Variants in TRDN observed in about 807,000 individuals in gnomAD.
TRDN encodes triadin, also known as triadin in skeletal muscle.
TRDN carries 161 observed loss-of-function variants against 149.7 expected under a neutral mutation model. The ratio of observed to expected loss-of-function variants is 1.08; its 90% CI spans 0.95 to 1.23. The LOEUF (loss-of-function observed/expected upper bound fraction) is 1.23. Among genes scored for constraint, TRDN ranks in the 50% most tolerant of loss-of-function variants. The pLI is 0.00. For synonymous variants in TRDN, 294 were observed against 250.5 expected (o/e 1.17, Z -1.64); for missense variants, 896 against 823.5 (o/e 1.09, Z -1.08).
chr6:123,633,015 G>A (rs933533423), intron 1 of TRDN, among the ~76,000 whole-genome samples: 13 of 151,914 alleles, frequency 8.6e-5, no homozygotes, highest in African/African-American at 2.7e-4. Flanking sequence ...AACGTGATTC[G>A]GCTAATGGTA....
At chr6:123,265,018 G>C (rs998578641) in intron 33 of TRDN, among the ~76,000 whole-genome samples, 18 of 151,982 alleles carry the variant, frequency 1.2e-4, no homozygotes, top group African/African-American at 4.3e-4. Flanking sequence ...GGTATGCCAG[G>C]ACAATGACAT....
At chr6:123,460,103 A>C (rs1776364436) in intron 10 of TRDN, among the ~76,000 whole-genome samples, 2 of 152,206 alleles carry the variant, frequency 1.3e-5, no homozygotes. Context: ...CTTGAAAACA[A>C]AGTTAATCAT....
At chr6:123,420,068 G>C in intron 12 of TRDN, among the ~76,000 whole-genome samples, 1 of 152,184 alleles carries the variant, frequency 6.6e-6, no homozygotes, top group East Asian at 1.9e-4. Context: ...GGATCCTGAA[G>C]TTTTAAGGAG....
rs191473280 is a variant in TRDN at position 123,357,739 on chromosome 6, T to C, written c.1322-5153A>G. Among the ~76,000 whole-genome samples the C allele has an allele frequency of 5.3e-5, 8 of 152,294 alleles. No individual in the cohort carries two copies. The East Asian group carries it at 9.7e-4, about 18-fold the overall frequency. Reference sequence around the variant, plus strand: ...TTAGGAAATACATATTTTTTAGTTATTTTAATTGAATCCCCTGAAGGGTAA... The same window carrying C: ...TTAGGAAATACATATTTTTTAGTTACTTTAATTGAATCCCCTGAAGGGTAA... On this transcript the variant is annotated intron_variant, in intron 20 of 40. Transcript: ENST00000334268.
chr6:123,622,240 AT>A (rs1271153766), intron 1 of TRDN, among the ~76,000 whole-genome samples: 9 of 151,968 alleles, frequency 5.9e-5, no homozygotes, highest in Admixed American at 1.3e-4. Flanking sequence ...TATCTTCTTT[AT>A]GATTTTCTTA....
intron 38 of TRDN, among the ~76,000 whole-genome samples, chr6:123,233,516 A>G (rs866422000): frequency 1.3e-5 from 2 of 152,090 alleles, no homozygotes; most frequent in African/African-American, 4.8e-5. Flanking sequence ...CTTGAGGGCA[A>G]TGTCAGAACA....
intron 12 of TRDN, among the ~76,000 whole-genome samples, chr6:123,431,066 C>T (rs1187675700): frequency 6.6e-6 from 1 of 152,166 alleles, no homozygotes; most frequent in East Asian, 1.9e-4. Flanking sequence ...ACCTAAGTTC[C>T]ATGATTATAA....
In TRDN at chr6:123,267,743, C is replaced by G. The variant is rs937224631; in HGVS notation, c.1747G>C (p.Glu583Gln). ...GATGGAGGTTCTCTTTCTCGATGTT[C>G]AGCTTTTTCTAGAGAAAGAAATCAA... ...TAKPKPTKKA[E>Q]HREREPPSIK... Residue 583 changes from glutamate (E) to glutamine (Q), a missense_variant, in exon 32 of 41, where the codon GAA (glutamate) becomes CAA (glutamine). Physicochemically the swap from Glu to Gln is conservative, Grantham distance 29. Coordinates refer to ENST00000334268, the MANE Select transcript of TRDN (RefSeq NM_006073.4). 1.3e-6 allele frequency: 2 copies of G among 1,574,180 alleles called. No homozygotes were observed. Among genetic ancestry groups the G allele is most frequent in the Non-Finnish European group, 8.6e-7 (1 of 1,159,588 alleles).
At chr6:123,459,841 G>A (rs1013485466) in intron 10 of TRDN, among the ~76,000 whole-genome samples, 2 of 152,062 alleles carry the variant, frequency 1.3e-5, no homozygotes, top group African/African-American at 2.4e-5. Flanking sequence ...GAGACACCTG[G>A]CTTTCAATTC....
chr6:123,361,108 T>C (rs1665140587), intron 20 of TRDN, among the ~76,000 whole-genome samples: 1 of 152,134 alleles, frequency 6.6e-6, no homozygotes, highest in African/African-American at 2.4e-5. Flanking sequence ...AGTAATAGGA[T>C]TGCCGTGTCA....
intron 12 of TRDN, among the ~76,000 whole-genome samples, chr6:123,395,095 T>C (rs543274707): frequency 3.3e-5 from 5 of 152,196 alleles, no homozygotes; most frequent in Non-Finnish European, 7.3e-5. Context: ...TAGAAAATTA[T>C]ACTGCAATTT....
At chr6:123,582,029 A>G (rs1413143615) in intron 1 of TRDN, among the ~76,000 whole-genome samples, 9 of 152,340 alleles carry the variant, frequency 5.9e-5, no homozygotes, top group African/African-American at 1.4e-4. Context: ...GCACATCTCA[A>G]GAGGTCCCAA....
chr6:123,463,777 G>GTTT (rs11346009), intron 10 of TRDN, among the ~76,000 whole-genome samples: 3 of 141,510 alleles, frequency 2.1e-5, no homozygotes, highest in Non-Finnish European at 3.1e-5. Context: ...TTTTCTTTCT[G>GTTT]TTTTTTTTTT....
intron 21 of TRDN, among the ~76,000 whole-genome samples, chr6:123,348,073 CT>C (rs1413059137): frequency 7.9e-5 from 12 of 151,738 alleles, no homozygotes; most frequent in Non-Finnish European, 1.3e-4. Flanking sequence ...ATAATTTTTC[CT>C]TTTTTTTCTG....
intron 40 of TRDN, 122 bp from the exon 41 acceptor site, chr6:123,218,862 C>T: frequency 9.7e-7 from 1 of 1,035,778 alleles, no homozygotes; most frequent in Non-Finnish European, 1.4e-6. Flanking sequence ...TAGCTGTTGG[C>T]AAGTTACTAA....
intron 9 of TRDN, among the ~76,000 whole-genome samples, chr6:123,472,721 G>A (rs565394466): frequency 1.3e-5 from 2 of 152,154 alleles, no homozygotes; most frequent in African/African-American, 2.4e-5. Context: ...CTCCCAGCAC[G>A]CAGCTGGAGA....
At chr6:123,351,194 T>C in intron 21 of TRDN, 1 of 983,916 alleles carries the variant, frequency 1.0e-6, no homozygotes, top group Non-Finnish European at 1.2e-6. Flanking sequence ...TCATCTGTGT[T>C]GAAATTGATT....
chr6:123,224,745 C>T (rs1198137315), intron 38 of TRDN, among the ~76,000 whole-genome samples: 3 of 151,742 alleles, frequency 2.0e-5, no homozygotes, highest in African/African-American at 7.2e-5. Context: ...TTCCACCACC[C>T]CAAAATCAAT....
chr6:123,422,312 T>A (rs1167683734), intron 12 of TRDN, among the ~76,000 whole-genome samples: 2 of 152,154 alleles, frequency 1.3e-5, no homozygotes, highest in African/African-American at 4.8e-5. Flanking sequence ...AATTTTGAGT[T>A]CAGCATGTTT....
Sources: allele counts gnomAD v4.1 joint callset (sites outside exome capture counted in the v4.1 genomes callset), GRCh38; gene constraint gnomAD v4.1.1; transcripts MANE v1.5; gene names NCBI Gene and HGNC (gene_info 2026-07-23, HGNC 2026-07-21).